The following MFN1 variants were observed in gnomAD, a reference collection of about 807,000 sequenced individuals.
MFN1 encodes mitofusin 1, also known as mitofusin-1.
Under a neutral mutation model 92.4 loss-of-function variants are expected in MFN1, and 65 were observed. The ratio of observed to expected loss-of-function variants is 0.70; its 90% CI spans 0.58 to 0.86. The LOEUF is 0.86. Among genes scored for constraint, MFN1 ranks in the 40% least tolerant of loss-of-function variants. The pLI, the probability that MFN1 is intolerant of heterozygous loss-of-function variation, is 0.00. For missense variants in MFN1, 781 were observed against 868.0 expected (o/e 0.90, Z 1.26); for synonymous variants, 297 against 300.9 (o/e 0.99, Z 0.13).
rs534645010 is a variant in MFN1, at chr3:179,374,028, C to T, written c.976-1192C>T. ...AGTAAATATATATTTATAGGATGGG[C>T]GTGGTGGCTCACTCTTGTAATCCTA... On this transcript the variant is annotated intron_variant, in intron 9 of 17. Transcript: ENST00000471841. Among the ~76,000 whole-genome samples, 5 of 150,758 alleles carry T rather than the reference C, an allele frequency of 3.3e-5. No individual in the cohort carries two copies. The South Asian group carries it at 8.6e-4, about 26-fold the overall frequency.
intron 9 of MFN1, among the ~76,000 whole-genome samples, chr3:179,368,307 A>G (rs1042458117): frequency 2.6e-5 from 4 of 152,144 alleles, no homozygotes; most frequent in Admixed American, 6.5e-5. Context: ...AAAGATTGTA[A>G]TTTATTCCTT....
chr3:179,386,559 A>G lies in MFN1; in HGVS notation c.1942A>G (p.Asn648Asp). 1 of 1,614,130 alleles carries G rather than the reference A, an allele frequency of 6.2e-7. No individual in the cohort carries two copies. Among genetic ancestry groups the G allele is most frequent in the Non-Finnish European group, 8.5e-7 (1 of 1,180,002 alleles). ...KERAFKQQFV[N>D]YATEKLRMIV... ...GCGAGCCTTTAAACAGCAGTTTGTA[A>G]ACTATGCAACTGAAAAACTGAGGAT... Residue 648 changes from asparagine (N) to aspartate (D), a missense_variant, in exon 16 of 18, where the codon AAC becomes GAC. Coordinates refer to ENST00000471841, the MANE Select transcript of MFN1 (RefSeq NM_033540.3).
chr3:179,368,378 G>T (rs895078914), intron 9 of MFN1, among the ~76,000 whole-genome samples: 36 of 152,128 alleles, frequency 2.4e-4, no homozygotes, highest in Non-Finnish European at 1.0e-4. Context: ...GCTGTGTTGT[G>T]CAATGAATGA....
rs775947466 is a variant in MFN1, at chr3:179,378,380, T to G, written c.1369T>G (p.Leu457Val). The change falls in exon 13 of 18, where the codon TTG (leucine) becomes GTG (valine). Residue 457 changes from leucine (L) to valine (V), a missense_variant. Physicochemically the swap from Leu to Val is conservative, Grantham distance 32. Transcript: ENST00000471841. The part of the protein sequence containing the change: ...KHIEDGMGRN[L>V]ADRCTDEVNA... ...CATAGAGGATGGTATGGGAAGAAATTTGGCTGATCGATGCACCGATGAAGT... is the reference window on the plus strand; with the variant it reads ...CATAGAGGATGGTATGGGAAGAAATGTGGCTGATCGATGCACCGATGAAGT... 1 of 1,605,632 alleles carries G rather than the reference T, an allele frequency of 6.2e-7. No homozygotes were observed. The highest frequency in any genetic ancestry group is 8.5e-7 in the Non-Finnish European group (1 of 1,177,918).
At chr3:179,359,405 C>T (rs1712479274) in intron 4 of MFN1, among the ~76,000 whole-genome samples, 1 of 150,424 alleles carries the variant, frequency 6.6e-6, no homozygotes, top group Non-Finnish European at 1.5e-5. Context: ...TAGGCGTGAG[C>T]CACTGCACCC....
intron 9 of MFN1, among the ~76,000 whole-genome samples, chr3:179,371,178 G>A (rs1311621305): frequency 6.6e-6 from 1 of 152,080 alleles, no homozygotes; most frequent in African/African-American, 2.4e-5. Context: ...TTTAAGCAAG[G>A]CTTGAAAATT....
At chr3:179,349,682 G>A (rs1434735119) in intron 2 of MFN1, among the ~76,000 whole-genome samples, 1 of 151,786 alleles carries the variant, frequency 6.6e-6, no homozygotes, top group African/African-American at 2.4e-5. Context: ...ACTAATTTTT[G>A]TGTTTTTAGT....
intron 3 of MFN1, among the ~76,000 whole-genome samples, chr3:179,357,568 T>C (rs956814753): frequency 2.2e-4 from 34 of 152,028 alleles, no homozygotes; most frequent in Admixed American, 2.0e-3. Context: ...AGGAAAGAGG[T>C]AAAACATATG....
At chr3:179,353,528 T>C (rs756480055) in intron 3 of MFN1, among the ~76,000 whole-genome samples, 3 of 152,144 alleles carry the variant, frequency 2.0e-5, no homozygotes, top group Non-Finnish European at 4.4e-5. Flanking sequence ...TGATTTTCTT[T>C]AGTGTCTTTC....
chr3:179,387,383 TAAAAACAC>T (rs1339527968), intron 16 of MFN1, among the ~76,000 whole-genome samples: 1 of 151,882 alleles, frequency 6.6e-6, no homozygotes. Context: ...CCATCTCTAC[TAAAAACAC>T]AAAAATTAGC....
At chr3:179,360,829 G>T (rs905045572) in intron 4 of MFN1, among the ~76,000 whole-genome samples, 1 of 152,138 alleles carries the variant, frequency 6.6e-6, no homozygotes, top group African/African-American at 2.4e-5. Flanking sequence ...TTAGTTATTA[G>T]AAAAATGAGA....
At chr3:179,360,228 A>G (rs1712522226) in intron 4 of MFN1, among the ~76,000 whole-genome samples, 1 of 152,090 alleles carries the variant, frequency 6.6e-6, no homozygotes, top group African/African-American at 2.4e-5. Context: ...GACTAACATT[A>G]TTGAAGTGTA....
intron 3 of MFN1, among the ~76,000 whole-genome samples, chr3:179,358,364 G>A (rs1712430080): frequency 6.6e-6 from 1 of 151,978 alleles, no homozygotes; most frequent in Non-Finnish European, 1.5e-5. Flanking sequence ...TGTTGGTCAG[G>A]CTGGTCCCGA....
intron 3 of MFN1, among the ~76,000 whole-genome samples, chr3:179,355,148 G>A (rs939902060): frequency 7.2e-5 from 11 of 152,138 alleles, no homozygotes; most frequent in Non-Finnish European, 2.9e-5. Flanking sequence ...TGTTGCCATG[G>A]CATCTAAACT....
chr3:179,353,428 A>G (rs1448687257), intron 3 of MFN1, among the ~76,000 whole-genome samples: 3 of 147,904 alleles, frequency 2.0e-5, no homozygotes, highest in Non-Finnish European at 3.0e-5. Flanking sequence ...GGCTGGTCTC[A>G]AACTCCTGAC....
intron 3 of MFN1, among the ~76,000 whole-genome samples, chr3:179,353,346 G>A (rs1483610832): frequency 2.6e-5 from 4 of 151,512 alleles, no homozygotes; most frequent in Admixed American, 1.3e-4. Flanking sequence ...GATTACAGGC[G>A]TGAGCCACCG....
intron 9 of MFN1, among the ~76,000 whole-genome samples, chr3:179,374,890 G>A (rs776640486): frequency 6.6e-5 from 10 of 152,086 alleles, no homozygotes; most frequent in Non-Finnish European, 1.2e-4. Flanking sequence ...GATTAAAGGT[G>A]ATCCAGATAA....
Position 179,394,363 on chromosome 3 carries a change from ACAT to A in MFN1, c.*2305_*2307del, listed in dbSNP as rs1714012654. ...TGTAGTTGTCTGATCAATTGTGAAA[ACAT>A]AATGAATGTTGGAAATGGAACAGTA... On this transcript the variant is annotated 3_prime_UTR_variant, in exon 18 of 18. Transcript: ENST00000471841. 1 of 151,642 alleles carries A rather than the reference ACAT, an allele frequency of 6.6e-6. No homozygotes were observed. Among genetic ancestry groups the A allele is most frequent in the Admixed American group, 6.6e-5 (1 of 15,222 alleles). The allele number at this position is 151,642 out of a possible 1,614,324, so 9.4% of individuals were successfully genotyped here.
At chr3:179,382,074 AT>A (rs10542714) in intron 14 of MFN1, among the ~76,000 whole-genome samples, 39 of 151,544 alleles carry the variant, frequency 2.6e-4, no homozygotes, top group South Asian at 4.2e-4. Context: ...CATTTTTTTA[AT>A]TTTTTTTTAT....
Sources: gnomAD v4.1 joint callset for allele counts (sites outside exome capture counted in the v4.1 genomes callset) on GRCh38, gnomAD v4.1.1 for gene constraint, MANE v1.5 for transcripts, NCBI Gene and HGNC (gene_info 2026-07-23, HGNC 2026-07-21) for gene names.